TECPR2: variants seen among roughly 807,000 people sequenced by gnomAD.
TECPR2 encodes the protein tectonin beta-propeller repeat containing 2.
TECPR2 carries 65 observed loss-of-function variants against 138.1 expected under a neutral mutation model. That is an observed-to-expected ratio of 0.47 (90% confidence interval 0.39 to 0.58). The LOEUF (loss-of-function observed/expected upper bound fraction) is 0.58. Ranked by LOEUF, TECPR2 falls within the 20% of genes least tolerant of loss-of-function variation. The probability of loss-of-function intolerance (pLI) is 0.00; values close to 1 mark genes in which losing one functional copy is unlikely to be tolerated. For synonymous variants in TECPR2, 746 were observed against 749.8 expected, an observed-to-expected ratio of 0.99 and a Z score of 0.08; for missense variants, 1,553 against 1,824.5, an observed-to-expected ratio of 0.85 and a Z score of 2.71.
At chr14:102,392,593 G>A (rs987719587) in intron 2 of TECPR2, among the ~76,000 whole-genome samples, 4 of 151,656 alleles carry the variant, frequency 2.6e-5, no homozygotes, top group African/African-American at 9.7e-5. Flanking sequence ...TTTATGTTCT[G>A]TGTTCTTCAA....
chr14:102,488,339 AT>A (rs900234455), intron 17 of TECPR2, among the ~76,000 whole-genome samples: 7 of 136,258 alleles, frequency 5.1e-5, no homozygotes, highest in African/African-American at 8.3e-5. Flanking sequence ...TTTTAATTGA[AT>A]TTTTTTTTAT....
chr14:102,391,090 A>T (rs1300117630), intron 2 of TECPR2, among the ~76,000 whole-genome samples: 1 of 152,046 alleles, frequency 6.6e-6, no homozygotes, highest in African/African-American at 2.4e-5. Flanking sequence ...ACAGATTCTC[A>T]CCCTGTTGCC....
chr14:102,404,881 G>A (rs1052497359), intron 2 of TECPR2, among the ~76,000 whole-genome samples: 1 of 152,014 alleles, frequency 6.6e-6, no homozygotes, highest in African/African-American at 2.4e-5. Context: ...GCCCAGTCAA[G>A]TGATTTTTGA....
At chr14:102,468,201 G>A (rs1890589668) in intron 17 of TECPR2, among the ~76,000 whole-genome samples, 1 of 143,622 alleles carries the variant, frequency 7.0e-6, no homozygotes, top group African/African-American at 2.6e-5. Context: ...TTGTTTGTTT[G>A]TTTTGAGATG....
chr14:102,380,943 G>A (rs534280690), intron 2 of TECPR2, among the ~76,000 whole-genome samples: 27 of 151,020 alleles, frequency 1.8e-4, no homozygotes, highest in Non-Finnish European at 4.0e-4. Flanking sequence ...CTCCCAAAGT[G>A]CTGGGATTAC....
intron 12 of TECPR2, 21 bp from the exon 13 acceptor site, chr14:102,445,784 CT>C (rs775237110): frequency 5.6e-6 from 9 of 1,611,846 alleles, no homozygotes; most frequent in South Asian, 3.3e-5. Context: ...GCTGACCCCC[CT>C]GTTCTCCTCC....
intron 2 of TECPR2, among the ~76,000 whole-genome samples, chr14:102,400,043 CTTTTCTT>C (rs1888432141): frequency 4.2e-5 from 6 of 142,518 alleles, no homozygotes; most frequent in Non-Finnish European, 4.6e-5. Context: ...ATTTTCTTTT[CTTTTCTT>C]TTTTTTTTTT....
chr14:102,480,224 T>A (rs6575916), intron 17 of TECPR2, among the ~76,000 whole-genome samples: 14,257 of 148,294 alleles, frequency 0.096, 989 homozygotes, highest in African/African-American at 0.2. Flanking sequence ...TTTTTTTTTT[T>A]TTTTTTATTG....
chr14:102,384,846 C>CTTTTT (rs58616138), intron 2 of TECPR2, among the ~76,000 whole-genome samples: 23 of 99,398 alleles, frequency 2.3e-4, no homozygotes, highest in Non-Finnish European at 2.8e-4. Flanking sequence ...TTTTCCTTTC[C>CTTTTT]TTTTTTTTTT....
At chr14:102,388,205 A>G (rs1459762936) in intron 2 of TECPR2, among the ~76,000 whole-genome samples, 1 of 152,162 alleles carries the variant, frequency 6.6e-6, no homozygotes, top group Non-Finnish European at 1.5e-5. Flanking sequence ...TGTTGATAAC[A>G]TTACCATACA....
At chr14:102,453,667 C>T (rs558237545) in intron 16 of TECPR2, among the ~76,000 whole-genome samples, 43 of 151,986 alleles carry the variant, frequency 2.8e-4, no homozygotes, top group African/African-American at 9.4e-4. Context: ...CCCCAGGGCC[C>T]GGATGAGCCC....
chr14:102,477,696 G>A (rs190778771), intron 17 of TECPR2, among the ~76,000 whole-genome samples: 6,134 of 141,924 alleles, frequency 0.043, 384 homozygotes, highest in African/African-American at 0.14. Context: ...GACTACAGGC[G>A]CCCGCCACCA....
chr14:102,409,222 C>T (rs1888749324), intron 4 of TECPR2, among the ~76,000 whole-genome samples: 1 of 152,112 alleles, frequency 6.6e-6, no homozygotes, highest in Admixed American at 6.6e-5. Flanking sequence ...GTGTCTGCAA[C>T]CAAACTGAAC....
chr14:102,440,367 A>G, intron 10 of TECPR2, 69 bp from the exon 11 acceptor site: 3 of 1,563,922 alleles, frequency 1.9e-6, no homozygotes, highest in South Asian at 1.2e-5. Context: ...AATGCCCAGC[A>G]TGAAGACTTT....
chr14:102,440,374 CTT>C (rs1272493902), intron 10 of TECPR2, 60 bp from the exon 11 acceptor site: 2 of 1,578,732 alleles, frequency 1.3e-6, no homozygotes, highest in Non-Finnish European at 1.7e-6. Flanking sequence ...AGCATGAAGA[CTT>C]TTGTATAGAA....
At chr14:102,485,884 T>C (rs1891016946) in intron 17 of TECPR2, among the ~76,000 whole-genome samples, 2 of 152,210 alleles carry the variant, frequency 1.3e-5, no homozygotes, top group Non-Finnish European at 2.9e-5. Context: ...CTTCTGCTCT[T>C]CTTGTCTCAC....
At chr14:102,488,533 G>A (rs984058304) in intron 17 of TECPR2, among the ~76,000 whole-genome samples, 5 of 151,286 alleles carry the variant, frequency 3.3e-5, no homozygotes, top group Admixed American at 1.3e-4. Flanking sequence ...TAGTAGAGAC[G>A]AGGTCTCTCC....
intron 17 of TECPR2, among the ~76,000 whole-genome samples, chr14:102,469,573 G>A (rs1890617462): frequency 6.6e-6 from 1 of 152,112 alleles, no homozygotes; most frequent in Non-Finnish European, 1.5e-5. Flanking sequence ...TGTCTTGCCT[G>A]ATTGCCCTGG....
chr14:102,418,528 G>A (rs1889088799), intron 5 of TECPR2, among the ~76,000 whole-genome samples: 2 of 152,236 alleles, frequency 1.3e-5, no homozygotes, highest in Admixed American at 1.3e-4. Flanking sequence ...GAGGCAGAGG[G>A]CCCTGCGCAC....
Sources: allele counts gnomAD v4.1 joint callset (sites outside exome capture counted in the v4.1 genomes callset), GRCh38; gene constraint gnomAD v4.1.1; transcripts MANE v1.5; gene names NCBI Gene and HGNC (gene_info 2026-07-23, HGNC 2026-07-21).